Variants in RMDN2 observed in about 807,000 individuals in gnomAD.
The protein encoded by RMDN2 is regulator of microtubule dynamics protein 2.
RMDN2 carries 61 observed loss-of-function variants against 52.8 expected under a neutral mutation model. That is an observed-to-expected ratio of 1.16 (90% CI 0.94 to 1.43). The LOEUF is 1.43. Ranked by LOEUF, RMDN2 falls within the 40% of genes most tolerant of loss-of-function variation. The pLI is 0.00. For missense variants in RMDN2, 592 were observed against 475.3 expected (o/e 1.25, Z -2.28); for synonymous variants, 180 against 153.1 (o/e 1.18, Z -1.30).
At chr2:37,989,029 G>A (rs186940520) in intron 5 of RMDN2, among the ~76,000 whole-genome samples, 13 of 152,202 alleles carry the variant, frequency 8.5e-5, no homozygotes, top group African/African-American at 1.2e-4. Flanking sequence ...TGTTTTAATC[G>A]TGGTATTTAT....
At chr2:37,955,796 C>T (rs1197778965) in intron 2 of RMDN2, among the ~76,000 whole-genome samples, 2 of 152,056 alleles carry the variant, frequency 1.3e-5, no homozygotes, top group Non-Finnish European at 2.9e-5. Context: ...TTTTTCTTCC[C>T]AGTCTCGGGT....
rs773515557 is a variant in RMDN2, at chr2:37,997,495, C to T, written c.1025C>T (p.Ala342Val). Residue 342 changes from alanine (A) to valine (V), a missense_variant, in exon 8 of 11, where the codon GCT becomes GTT. Ala to Val is a moderately conservative substitution (Grantham distance 64). Transcript: ENST00000354545. ...ATACCATCTTCAACTGTACAAGAAG[C>T]TTTACACAATTTCCTTAAGGTACAT... ...GKIPSSTVQE[A>V]LHNFLKAEEL... 1.2e-6 allele frequency: 2 copies of T among 1,610,670 alleles called. No individual in the cohort carries two copies. The highest frequency in any genetic ancestry group is 1.3e-5 in the African/African-American group (1 of 74,852).
chr2:38,048,510 C>G (rs1681406239), intron 10 of RMDN2, among the ~76,000 whole-genome samples: 1 of 152,188 alleles, frequency 6.6e-6, no homozygotes, highest in South Asian at 2.1e-4. Flanking sequence ...CTATTGTGTC[C>G]TAGAAATTAC....
At chr2:37,995,297 A>G (rs995419929) in intron 7 of RMDN2, among the ~76,000 whole-genome samples, 3 of 151,284 alleles carry the variant, frequency 2.0e-5, no homozygotes, top group Admixed American at 6.6e-5. Flanking sequence ...GGGTCCTGGA[A>G]TATACCCCCT....
At chr2:37,954,230 T>C (rs1669183355) in intron 2 of RMDN2, among the ~76,000 whole-genome samples, 1 of 152,116 alleles carries the variant, frequency 6.6e-6, no homozygotes. Context: ...ATTTTTTCTT[T>C]TATTGCCTAT....
chr2:37,927,364 A>G (rs2124879430), intron 1 of RMDN2, among the ~76,000 whole-genome samples: 1 of 152,302 alleles, frequency 6.6e-6, no homozygotes, highest in East Asian at 1.9e-4. Context: ...TGTGTGCCTC[A>G]GTTCACTTAT....
At chr2:37,965,429 C>T (rs560307182) in intron 2 of RMDN2, among the ~76,000 whole-genome samples, 2 of 150,802 alleles carry the variant, frequency 1.3e-5, no homozygotes, top group South Asian at 4.2e-4. Flanking sequence ...TTATTCATAG[C>T]ATCCTAAAGT....
intron 2 of RMDN2, among the ~76,000 whole-genome samples, chr2:37,934,280 T>G (rs1667105596): frequency 6.6e-6 from 1 of 152,184 alleles, no homozygotes; most frequent in Non-Finnish European, 1.5e-5. Flanking sequence ...GTGGAACATG[T>G]TTTCTGTAAC....
chr2:37,927,933 A>T lies in RMDN2; in HGVS notation c.-16-1329A>T, dbSNP rs183429292. 7.9e-5 allele frequency among the ~76,000 whole-genome samples: 12 copies of T among 152,334 alleles called. 1 individual carries two copies. The South Asian group carries it at 1.0e-3, about 13-fold the overall frequency. On this transcript the variant is annotated intron_variant, in intron 1 of 10. Coordinates refer to ENST00000354545, the MANE Select transcript of RMDN2 (RefSeq NM_001170791.3). ...ATGAGCTGGGAGTGGGCAGATGGTT[A>T]TAGTTCCCAGTTATACCAATTAGGT...
chr2:37,978,948 TAAATG>T (rs1273414228), intron 4 of RMDN2, among the ~76,000 whole-genome samples: 5 of 152,182 alleles, frequency 3.3e-5, no homozygotes, highest in African/African-American at 4.8e-5. Flanking sequence ...TCTCTATTCT[TAAATG>T]GAATGGGAGT....
intron 10 of RMDN2, among the ~76,000 whole-genome samples, chr2:38,040,480 G>T (rs1380158486): frequency 6.6e-6 from 1 of 152,160 alleles, no homozygotes; most frequent in Non-Finnish European, 1.5e-5. Context: ...ACAGCAAGAA[G>T]GTGCCATTTA....
intron 10 of RMDN2, among the ~76,000 whole-genome samples, chr2:38,062,779 CACAACAGT>C: frequency 1.4e-3 from 187 of 136,478 alleles, no homozygotes; most frequent in Non-Finnish European, 1.9e-3. Flanking sequence ...TCCCCCCCCC[CACAACAGT>C]CCCCAGTGTG....
intron 2 of RMDN2, among the ~76,000 whole-genome samples, chr2:37,971,233 G>A (rs2125060500): frequency 6.6e-6 from 1 of 152,120 alleles, no homozygotes; most frequent in South Asian, 2.1e-4. Context: ...TTACACTTAG[G>A]TTTGATACAT....
intron 10 of RMDN2, among the ~76,000 whole-genome samples, chr2:38,014,256 C>T (rs1225045206): frequency 1.3e-5 from 2 of 152,184 alleles, no homozygotes; most frequent in African/African-American, 4.8e-5. Flanking sequence ...ATAGTATAGA[C>T]AGACTTTTCC....
intron 10 of RMDN2, among the ~76,000 whole-genome samples, chr2:38,056,641 C>A (rs1179493804): frequency 6.6e-6 from 1 of 152,144 alleles, no homozygotes; most frequent in African/African-American, 2.4e-5. Flanking sequence ...AAACTTATTT[C>A]AGGGTGTCCC....
chr2:37,981,507 A>G (rs1673312772), intron 5 of RMDN2, among the ~76,000 whole-genome samples, 164 bp downstream of exon 5: 1 of 152,198 alleles, frequency 6.6e-6, no homozygotes, highest in African/African-American at 2.4e-5. Context: ...GTTTATTCAC[A>G]TTTTTATTAT....
chr2:37,976,194 TAC>T (rs1672438851), intron 4 of RMDN2: 2 of 152,236 alleles, frequency 1.3e-5, no homozygotes, highest in African/African-American at 4.8e-5. Flanking sequence ...CTGACATCTA[TAC>T]TTTTCTACAA....
chr2:37,972,191 ATAT>A (rs1671894436), intron 2 of RMDN2, among the ~76,000 whole-genome samples: 2 of 152,124 alleles, frequency 1.3e-5, no homozygotes, highest in Admixed American at 6.5e-5. Flanking sequence ...TCATATGTTA[ATAT>A]TATATTCAGC....
At chr2:37,953,594 G>T (rs1327669859) in intron 2 of RMDN2, among the ~76,000 whole-genome samples, 1 of 151,990 alleles carries the variant, frequency 6.6e-6, no homozygotes, top group Non-Finnish European at 1.5e-5. Flanking sequence ...TTATCCACCA[G>T]TGGACAATTT....
Sources: allele counts gnomAD v4.1 joint callset (sites outside exome capture counted in the v4.1 genomes callset), GRCh38; gene constraint gnomAD v4.1.1; transcripts MANE v1.5; gene names NCBI Gene and HGNC (gene_info 2026-07-23, HGNC 2026-07-21).